The following CYP4B1 variants were observed in gnomAD, a reference collection of about 807,000 sequenced individuals.
CYP4B1 encodes the protein cytochrome P450 family 4 subfamily B member 1, also known as cytochrome P450 4B1.
CYP4B1 carries 45 observed loss-of-function variants against 54.0 expected under a neutral mutation model. That is an observed-to-expected ratio of 0.83 (90% CI 0.66 to 1.07). CYP4B1 has a LOEUF of 1.07. Ranked by LOEUF, CYP4B1 falls within the 50% of genes least tolerant of loss-of-function variation. CYP4B1 has a pLI of 0.00. For missense variants in CYP4B1, 656 were observed against 655.4 expected (o/e 1.00, Z -0.01); for synonymous variants, 248 against 247.5 (o/e 1.00, Z -0.02).
At chr1:46,812,769 T>A in intron 4 of CYP4B1, 146 bp downstream of exon 4, 1 of 915,810 alleles carries the variant, frequency 1.1e-6, no homozygotes, top group Non-Finnish European at 1.7e-6. Context: ...GCAACAGCAG[T>A]GCCAAAGCCC....
chr1:46,807,772 C>G (rs567475978), intron 1 of CYP4B1, among the ~76,000 whole-genome samples: 37 of 152,304 alleles, frequency 2.4e-4, no homozygotes, highest in African/African-American at 8.9e-4. Flanking sequence ...GGGGAAGAGC[C>G]CTAGAGAAGG....
intron 1 of CYP4B1, among the ~76,000 whole-genome samples, chr1:46,807,073 G>A (rs1890251): frequency 0.18 from 26,996 of 152,200 alleles, 2,425 homozygotes; most frequent in South Asian, 0.2. Context: ...TAGTTCTCTA[G>A]CTTTATTTAA....
Position 46,810,922 on chromosome 1 carries a change from T to G in CYP4B1, c.295T>G (p.Tyr99Asp). The G allele has an allele frequency of 6.2e-7, 1 of 1,614,104 alleles. No individual in the cohort carries two copies. Among genetic ancestry groups the G allele is most frequent in the Non-Finnish European group, 8.5e-7 (1 of 1,180,024 alleles). Residue 99 changes from tyrosine to aspartate, a missense_variant, in exon 2 of 12, where the codon TAT (tyrosine) becomes GAT (aspartate). By Grantham distance (160) the Tyr-to-Asp change is radical. Transcript: ENST00000371923. ...CTTCCTGAACATCTATGAGCCTGAC[T>G]ATGCCAAAGCTGTGTACAGCCGTGG... ...IGFLNIYEPDYAKAVYSRGDP... is the reference protein window; with the variant it reads ...IGFLNIYEPDDAKAVYSRGDP...
chr1:46,804,344 T>C (rs1569861457), intron 1 of CYP4B1, among the ~76,000 whole-genome samples: 3 of 152,086 alleles, frequency 2.0e-5, no homozygotes, highest in South Asian at 4.2e-4. Flanking sequence ...GCACAGCTCT[T>C]TAGAGAAGTT....
intron 9 of CYP4B1, among the ~76,000 whole-genome samples, chr1:46,817,639 T>C (rs1569919886): frequency 6.6e-6 from 1 of 152,228 alleles, no homozygotes. Context: ...ATATTATGAA[T>C]AATAACTTCC....
At position 46,815,952 on chromosome 1, in the gene CYP4B1, AG is replaced by A. The variant is rs528979743; in HGVS notation, c.1073+693del. ...TCTGGGCTCCTGAGCAGCCTCCAAG[AG>A]GGGGCTAGGCACACAGCAGGGGTAC... On this transcript the variant is annotated intron_variant, in intron 8 of 11. Coordinates refer to ENST00000371923, the MANE Select transcript of CYP4B1 (RefSeq NM_001099772.2). 2.0e-3 allele frequency among the ~76,000 whole-genome samples: 304 copies of A among 152,220 alleles called. 3 individuals are homozygous for A. Among genetic ancestry groups the A allele is most frequent in the African/African-American group, 7.1e-3 (295 of 41,548 alleles).
chr1:46,813,270 C>T (rs974876129), intron 4 of CYP4B1, among the ~76,000 whole-genome samples: 14 of 152,244 alleles, frequency 9.2e-5, no homozygotes, highest in African/African-American at 2.9e-4. Flanking sequence ...CCTGGTCCTG[C>T]CCTCTGAGCC....
At chr1:46,811,055 G>A (rs933090895) in intron 2 of CYP4B1, 85 bp from the exon 3 acceptor site, 45 of 1,602,388 alleles carry the variant, frequency 2.8e-5, no homozygotes, top group East Asian at 8.9e-5. Context: ...CTAAGTCTGC[G>A]GAGCTGAGGT....
In CYP4B1 at chr1:46,813,595, C is replaced by T; in HGVS notation, c.609C>T (p.Gly203=). Residue 203 remains glycine, a synonymous_variant, in exon 5 of 12, where the codon GGC becomes GGT. Coordinates refer to ENST00000371923, the MANE Select transcript of CYP4B1 (RefSeq NM_001099772.2). ...MKCTFGRGDT[G]LGHSRDSSYY... is the part of the protein sequence containing the mutation. ...GCACCTTTGGAAGAGGAGACACCGG[C>T]CTGGGCCACAGGTCAGGAGCCACCT... 2 of 1,613,998 alleles carry T rather than the reference C, an allele frequency of 1.2e-6. No individual in the cohort carries two copies. The highest frequency in any genetic ancestry group is 1.7e-6 in the Non-Finnish European group (2 of 1,180,030).
chr1:46,814,932 TG>T, intron 7 of CYP4B1, 141 bp from the exon 8 acceptor site: 1 of 679,698 alleles, frequency 1.5e-6, no homozygotes, highest in Non-Finnish European at 2.5e-6. Context: ...TATAGGAATC[TG>T]GGGGAAGGTC....
Position 46,818,216 on chromosome 1 carries a change from A to T in CYP4B1, c.1355+3A>T, listed in dbSNP as rs975078150. 6.2e-7 allele frequency: 1 copy of T among 1,613,422 alleles called. No individual in the cohort carries two copies. The highest frequency in any genetic ancestry group is 8.5e-7 in the Non-Finnish European group (1 of 1,179,408). ...ATGCCCTTCTCTGCTGGGCCCAGGT[A>T]TGGAGAGACCCAGTATCCCAGGCCC... On this transcript the variant is annotated splice_donor_region_variant and intron_variant, in intron 11 of 11. Coordinates refer to ENST00000371923, the MANE Select transcript of CYP4B1 (RefSeq NM_001099772.2).
At chr1:46,801,281 G>A (rs1021707203) in intron 1 of CYP4B1, among the ~76,000 whole-genome samples, 3 of 152,130 alleles carry the variant, frequency 2.0e-5, no homozygotes, top group Non-Finnish European at 4.4e-5. Context: ...GGGTACAAGA[G>A]GTATTTAGAG....
Position 46,813,949 on chromosome 1 carries a change from C to T in CYP4B1, c.661C>T (p.Leu221=), listed in dbSNP as rs1679220883. 4 of 1,614,060 alleles carry T rather than the reference C, an allele frequency of 2.5e-6. No individual in the cohort carries two copies. ...SYYLAVSDLT[L]LMQQRLVSFQ... ...CTACCTTGCAGTCAGCGATCTCACT[C>T]TGTTGATGCAGCAGCGCCTTGTGTC... is the stretch of plus-strand genomic sequence containing the variant. Residue 221 remains leucine (L), a synonymous_variant, in exon 6 of 12, where the codon CTG becomes TTG. Transcript: ENST00000371923.
rs965932787 is a variant in CYP4B1, at chr1:46,814,046, T to C, written c.758T>C (p.Val253Ala). The change falls in exon 6 of 12, where the codon GTG (valine) becomes GCG (alanine). Residue 253 changes from valine to alanine, a missense_variant. Physicochemically the swap from Val to Ala is moderately conservative, Grantham distance 64. Coordinates refer to ENST00000371923, the MANE Select transcript of CYP4B1 (RefSeq NM_001099772.2). The stretch of plus-strand genomic sequence containing the variant: ...CGCCGCTTCCTGCGGGCCTGCCAGG[T>C]GGCCCATGACCATACAGGTGGGCCT... Reference protein sequence around the residue: ...HGRRFLRACQVAHDHTDQVIR... With the variant: ...HGRRFLRACQAAHDHTDQVIR... 3 of 1,613,988 alleles carry C rather than the reference T, an allele frequency of 1.9e-6. No homozygotes were observed. The highest frequency in any genetic ancestry group is 3.3e-5 in the Admixed American group (2 of 60,004).
At chr1:46,799,352 G>C (rs45628233) in intron 1 of CYP4B1, 91 bp downstream of exon 1, 3 of 1,244,554 alleles carry the variant, frequency 2.4e-6, no homozygotes, top group Non-Finnish European at 3.4e-6. Flanking sequence ...TGTGGAGGGA[G>C]ACTTCAAACT....
intron 1 of CYP4B1, among the ~76,000 whole-genome samples, chr1:46,801,614 G>C (rs1373480673): frequency 6.6e-6 from 1 of 152,170 alleles, no homozygotes; most frequent in Non-Finnish European, 1.5e-5. Flanking sequence ...ACCATTGCAA[G>C]CACAACTCCT....
rs369562814 is a variant in CYP4B1 at position 46,818,083 on chromosome 1, C to T, written c.1273-48C>T. ...ACAGGGTGGGGGACTGGGAGGGTCA[C>T]CCTCTGCCAGAACCTGGCGAGTGTT... On this transcript the variant is annotated intron_variant, in intron 10 of 11. Coordinates refer to ENST00000371923, the MANE Select transcript of CYP4B1 (RefSeq NM_001099772.2). The T allele has an allele frequency of 1.2e-5, 19 of 1,613,348 alleles. No individual in the cohort carries two copies. In the Admixed American group the frequency reaches 2.5e-4, roughly 21 times the overall value.
At position 46,799,205 on chromosome 1, in the gene CYP4B1, G is replaced by A. The variant is rs1286623668; in HGVS notation, c.124G>A (p.Ala42Thr). Residue 42 changes from alanine (A) to threonine (T), a missense_variant, in exon 1 of 12, where the codon GCT (alanine) becomes ACT (threonine). By Grantham distance (58) the Ala-to-Thr change is moderately conservative. Transcript: ENST00000371923. The part of the protein sequence containing the change: ...LLLRRQTLAK[A>T]MDKFPGPPTH... ...GCTGCGGAGGCAGACGTTGGCTAAG[G>A]CTATGGACAAATTCCCAGGGCCTCC... is the stretch of plus-strand genomic sequence containing the variant. 1 of 1,608,244 alleles carries A rather than the reference G, an allele frequency of 6.2e-7. No individual in the cohort carries two copies. Among genetic ancestry groups the A allele is most frequent in the East Asian group, 2.2e-5 (1 of 44,708 alleles).
Position 46,813,899 on chromosome 1 carries a change from C to G in CYP4B1, c.621-10C>G, listed in dbSNP as rs931653870. On this transcript the variant is annotated splice_polypyrimidine_tract_variant and intron_variant, in intron 5 of 11. Transcript: ENST00000371923. ...GTCTAAGCCAATCCCTCCTCCTACC[C>G]TCTGCTTAGCAGGGACAGCAGCTAC... The G allele has an allele frequency of 6.2e-7, 1 of 1,613,640 alleles. No homozygotes were observed. The highest frequency in any genetic ancestry group is 8.5e-7 in the Non-Finnish European group (1 of 1,179,848).
Sources: allele counts gnomAD v4.1 joint callset (sites outside exome capture counted in the v4.1 genomes callset), GRCh38; gene constraint gnomAD v4.1.1; transcripts MANE v1.5; gene names NCBI Gene and HGNC (gene_info 2026-07-23, HGNC 2026-07-21).